The following PGBD5 variants were observed in gnomAD, a reference collection of about 807,000 sequenced individuals.
PGBD5 encodes piggyBac transposable element derived 5.
A neutral mutation model predicts 47.9 loss-of-function variants in PGBD5; 14 were observed. The observed-to-expected ratio is 0.29, with a 90% CI of 0.19 to 0.46. The LOEUF is 0.46. PGBD5 is among the 20% of genes least tolerant of loss of function. The probability of loss-of-function intolerance (pLI) is 1.00; values close to 1 mark genes in which losing one functional copy is unlikely to be tolerated. For missense variants in PGBD5, 635 were observed against 716.0 expected (o/e 0.89, Z 1.29); for synonymous variants, 316 against 306.3 (o/e 1.03, Z -0.33).
Position 230,373,486 on chromosome 1 carries a change from G to A in PGBD5, c.332-16165C>T, listed in dbSNP as rs147832352. Among the ~76,000 whole-genome samples the A allele has an allele frequency of 3.8e-3, 585 of 152,292 alleles. 4 individuals carry two copies. Among genetic ancestry groups the A allele is most frequent in the African/African-American group, 0.014 (565 of 41,548 alleles). On this transcript the variant is annotated intron_variant, in intron 1 of 6. Coordinates refer to ENST00000391860, the MANE Select transcript of PGBD5 (RefSeq NM_001258311.2). ...GGGCCATGGGGCTGCCATGCTCAGT[G>A]GGGGAGGGCAAACCAGGAAGACACT...
At chr1:230,422,178 T>C (rs1657664185) in intron 1 of PGBD5, among the ~76,000 whole-genome samples, 1 of 150,910 alleles carries the variant, frequency 6.6e-6, no homozygotes, top group Non-Finnish European at 1.5e-5. Context: ...ATAGAAAGAG[T>C]GAACAGCTCA....
At chr1:230,409,510 TCAA>T (rs1657370259) in intron 1 of PGBD5, among the ~76,000 whole-genome samples, 1 of 152,168 alleles carries the variant, frequency 6.6e-6, no homozygotes, top group Non-Finnish European at 1.5e-5. Context: ...GGAATATTAT[TCAA>T]CAAGAAAAAG....
intron 3 of PGBD5, among the ~76,000 whole-genome samples, chr1:230,348,675 T>C (rs1178973126): frequency 6.6e-6 from 1 of 152,190 alleles, no homozygotes; most frequent in African/African-American, 2.4e-5. Flanking sequence ...AAAAAACAAC[T>C]GTCCCCGGGT....
chr1:230,316,029 CATACATAAGTATATGTGTACACATATATG>C lies in PGBD5; in HGVS notation c.*7367_*7395del. On this transcript the variant is annotated 3_prime_UTR_variant, in exon 7 of 7. Coordinates refer to ENST00000391860, the MANE Select transcript of PGBD5 (RefSeq NM_001258311.2). ...GTGTACACATATATGTATGTGTATA[CATACATAAGTATATGTGTACACATATATG>C]TATGTGTATACATACATGTTTATGT... The C allele has an allele frequency of 1.5e-5, 2 of 134,316 alleles. No individual in the cohort carries two copies. The highest frequency in any genetic ancestry group is 5.0e-4 in the South Asian group (2 of 3,992). 8.3% of individuals were successfully genotyped at this position (134,316 alleles called of 1,614,324 possible). A position where few individuals can be genotyped will look rare whatever the true frequency, so the allele number is the denominator to read the frequency against.
intron 1 of PGBD5, among the ~76,000 whole-genome samples, chr1:230,407,427 A>C (rs1321896372): frequency 1.3e-5 from 2 of 152,190 alleles, no homozygotes; most frequent in East Asian, 1.9e-4. Flanking sequence ...GGAAAAAAAA[A>C]CTGTTCCCTG....
At chr1:230,414,201 T>C (rs1180380190) in intron 1 of PGBD5, among the ~76,000 whole-genome samples, 2 of 152,128 alleles carry the variant, frequency 1.3e-5, no homozygotes, top group Admixed American at 1.3e-4. Context: ...GAGTCACCCC[T>C]CTGGGAGATG....
rs143988694 is a variant in PGBD5, at chr1:230,385,141, C to T, written c.332-27820G>A. Reference sequence around the variant, plus strand: ...AGCGTTGGGGCTGAAATTTCAGTCTCGCGCACGTGTTATTTTAGGATTTCA... The same window carrying T: ...AGCGTTGGGGCTGAAATTTCAGTCTTGCGCACGTGTTATTTTAGGATTTCA... On this transcript the variant is annotated intron_variant, in intron 1 of 6. Transcript: ENST00000391860. 3.5e-3 allele frequency among the ~76,000 whole-genome samples: 526 copies of T among 152,146 alleles called. 2 individuals are homozygous for T. The highest frequency in any genetic ancestry group is 4.2e-3 in the Non-Finnish European group (286 of 68,016).
chr1:230,397,414 C>T (rs1657013311), intron 1 of PGBD5, among the ~76,000 whole-genome samples: 1 of 152,310 alleles, frequency 6.6e-6, no homozygotes, highest in South Asian at 2.1e-4. Flanking sequence ...AAAACCAATA[C>T]AGAATCAAGA....
intron 1 of PGBD5, among the ~76,000 whole-genome samples, chr1:230,366,364 T>C (rs1667834031): frequency 1.1e-5 from 1 of 87,576 alleles, no homozygotes; most frequent in South Asian, 3.5e-4. Context: ...TGGATCCTGT[T>C]CCTGTTTTTT....
intron 1 of PGBD5, among the ~76,000 whole-genome samples, chr1:230,366,225 A>T (rs1451358604): frequency 2.0e-5 from 3 of 152,218 alleles, no homozygotes; most frequent in Non-Finnish European, 4.4e-5. Flanking sequence ...AAGCTCATCC[A>T]GTAAGATATT....
Position 230,412,876 on chromosome 1 carries a change from T to C in PGBD5, c.331+12722A>G, listed in dbSNP as rs545693874. On this transcript the variant is annotated intron_variant, in intron 1 of 6. Coordinates refer to ENST00000391860, the MANE Select transcript of PGBD5 (RefSeq NM_001258311.2). ...TATATTTTCGCATGCATAATTTTTT[T>C]AAAGATTGCATGCAATATCACAACG... 4.9e-4 allele frequency among the ~76,000 whole-genome samples: 75 copies of C among 152,282 alleles called. 1 individual carries two copies. The South Asian group carries it at 0.015, about 31-fold the overall frequency.
intron 1 of PGBD5, among the ~76,000 whole-genome samples, chr1:230,424,178 C>T (rs1657719635): frequency 6.6e-6 from 1 of 152,128 alleles, no homozygotes; most frequent in African/African-American, 2.4e-5. Flanking sequence ...TAAAGTCTGC[C>T]AAACCAGGTC....
At chr1:230,361,131 C>A (rs189410444) in intron 1 of PGBD5, among the ~76,000 whole-genome samples, 7 of 152,182 alleles carry the variant, frequency 4.6e-5, no homozygotes, top group African/African-American at 1.7e-4. Context: ...ACTGAAGTCA[C>A]GGGATGGTCT....
chr1:230,362,081 C>T, intron 1 of PGBD5, among the ~76,000 whole-genome samples: 1 of 152,196 alleles, frequency 6.6e-6, no homozygotes, highest in East Asian at 1.9e-4. Context: ...AGGGTCTGGT[C>T]ACTGTCACAG....
intron 6 of PGBD5, among the ~76,000 whole-genome samples, chr1:230,324,670 A>G (rs1667087820): frequency 6.6e-6 from 1 of 152,156 alleles, no homozygotes; most frequent in African/African-American, 2.4e-5. Flanking sequence ...TAATAGTTTC[A>G]ATGTTCAATA....
chr1:230,335,735 AC>A (rs1667304524), intron 4 of PGBD5, among the ~76,000 whole-genome samples: 3 of 146,418 alleles, frequency 2.0e-5, no homozygotes, highest in South Asian at 2.2e-4. Context: ...ACACACACAG[AC>A]TTACACAAAG....
intron 1 of PGBD5, among the ~76,000 whole-genome samples, chr1:230,392,701 T>G (rs967724493): frequency 6.6e-6 from 1 of 152,174 alleles, no homozygotes; most frequent in African/African-American, 2.4e-5. Flanking sequence ...AGCAGCGGCC[T>G]GCTCTCACCC....
intron 2 of PGBD5, among the ~76,000 whole-genome samples, chr1:230,351,604 A>G (rs962774985): frequency 5.3e-5 from 8 of 152,186 alleles, no homozygotes; most frequent in Non-Finnish European, 1.2e-4. Context: ...TGAGAAACAA[A>G]GAAAAAAAAT....
intron 1 of PGBD5, among the ~76,000 whole-genome samples, chr1:230,413,004 GA>G (rs1434596638): frequency 1.3e-5 from 2 of 152,068 alleles, no homozygotes; most frequent in Non-Finnish European, 2.9e-5. Flanking sequence ...CAGGTTCTTG[GA>G]AATTGTGACT....
Sources: gnomAD v4.1 joint callset for allele counts (sites outside exome capture counted in the v4.1 genomes callset) on GRCh38, gnomAD v4.1.1 for gene constraint, MANE v1.5 for transcripts, NCBI Gene and HGNC (gene_info 2026-07-23, HGNC 2026-07-21) for gene names.